Variants in ANKFN1 observed in about 807,000 individuals in gnomAD.
ANKFN1 encodes ankyrin repeat and fibronectin type-III domain-containing protein 1.
ANKFN1 carries 74 observed loss-of-function variants against 108.7 expected under a neutral mutation model. The observed-to-expected ratio is 0.68, with a 90% CI of 0.56 to 0.83. The LOEUF (loss-of-function observed/expected upper bound fraction) is 0.83. Ranked by LOEUF, ANKFN1 falls within the 40% of genes least tolerant of loss-of-function variation. ANKFN1 has a pLI of 0.00. For synonymous variants in ANKFN1, 547 were observed against 516.2 expected, an observed-to-expected ratio of 1.06 and a Z score of -0.81; for missense variants, 1,505 against 1,382.3, an observed-to-expected ratio of 1.09 and a Z score of -1.41.
chr17:56,437,606 A>G (rs1364180313), intron 8 of ANKFN1, among the ~76,000 whole-genome samples: 8 of 152,136 alleles, frequency 5.3e-5, no homozygotes. Flanking sequence ...TAACTTACTC[A>G]AGCATACCGT....
intron 3 of ANKFN1, among the ~76,000 whole-genome samples, chr17:56,229,140 A>G (rs373320369): frequency 2.5e-4 from 38 of 152,220 alleles, no homozygotes; most frequent in African/African-American, 8.9e-4. Flanking sequence ...CCCTCAAAAC[A>G]TTCAGATTTA....
intron 4 of ANKFN1, among the ~76,000 whole-genome samples, chr17:56,350,179 G>A (rs903601469): frequency 6.6e-6 from 1 of 152,112 alleles, no homozygotes; most frequent in Non-Finnish European, 1.5e-5. Flanking sequence ...GGACCTATGG[G>A]TACAAATTCC....
At chr17:56,282,043 T>C (rs934336499) in intron 3 of ANKFN1, among the ~76,000 whole-genome samples, 3 of 152,222 alleles carry the variant, frequency 2.0e-5, no homozygotes, top group East Asian at 1.9e-4. Context: ...TGAATATTTA[T>C]TGGAGTCTTA....
chr17:56,224,225 C>T (rs930885590), intron 2 of ANKFN1, among the ~76,000 whole-genome samples: 1 of 152,220 alleles, frequency 6.6e-6, no homozygotes, highest in African/African-American at 2.4e-5. Context: ...CATATTCTAT[C>T]TTAAATAAAA....
chr17:56,178,128 C>T (rs2143609586), intron 1 of ANKFN1, among the ~76,000 whole-genome samples: 1 of 152,086 alleles, frequency 6.6e-6, no homozygotes, highest in East Asian at 1.9e-4. Context: ...GTTGAAAAGT[C>T]CTAAAAGGTT....
intron 4 of ANKFN1, among the ~76,000 whole-genome samples, chr17:56,132,769 T>A (rs532541985): frequency 1.3e-5 from 2 of 152,144 alleles, no homozygotes; most frequent in African/African-American, 4.8e-5. Context: ...TGTCCTCACA[T>A]GGTGGAAGGG....
chr17:56,478,837 AAAG>A (rs1486972908), intron 16 of ANKFN1, among the ~76,000 whole-genome samples: 1 of 152,178 alleles, frequency 6.6e-6, no homozygotes, highest in Non-Finnish European at 1.5e-5. Flanking sequence ...TTGCTTAGCC[AAAG>A]GAGACTCTAA....
chr17:56,392,576 G>T (rs577772357), intron 8 of ANKFN1, among the ~76,000 whole-genome samples: 1 of 152,120 alleles, frequency 6.6e-6, no homozygotes, highest in Non-Finnish European at 1.5e-5. Flanking sequence ...GGTGGGCTGA[G>T]TCACAGATAA....
chr17:56,281,849 G>T (rs1175475204), intron 3 of ANKFN1, among the ~76,000 whole-genome samples: 1 of 152,192 alleles, frequency 6.6e-6, no homozygotes, highest in Non-Finnish European at 1.5e-5. Flanking sequence ...TGTTGGTAAA[G>T]ATGTAGACAA....
At chr17:56,268,939 C>T (rs546719260) in intron 3 of ANKFN1, among the ~76,000 whole-genome samples, 1 of 152,150 alleles carries the variant, frequency 6.6e-6, no homozygotes, top group African/African-American at 2.4e-5. Context: ...ACAAAATGCT[C>T]AGAAAATGCT....
chr17:56,108,695 A>G (rs1905798826), intron 4 of ANKFN1, among the ~76,000 whole-genome samples: 2 of 152,126 alleles, frequency 1.3e-5, no homozygotes, highest in Non-Finnish European at 1.5e-5. Context: ...AACAATCCTA[A>G]TTTTTCTGGA....
chr17:56,170,775 TATATATATATATATATA>T (rs1425090241), intron 1 of ANKFN1, among the ~76,000 whole-genome samples: 17 of 50,294 alleles, frequency 3.4e-4, no homozygotes, highest in African/African-American at 2.3e-3. Context: ...AAAAATTTTT[TATATATATATATATATA>T]TATATATATA....
At chr17:56,392,595 C>T (rs1199630710) in intron 8 of ANKFN1, among the ~76,000 whole-genome samples, 1 of 152,174 alleles carries the variant, frequency 6.6e-6, no homozygotes, top group Non-Finnish European at 1.5e-5. Flanking sequence ...AAAATAAACA[C>T]ACCGTGGGCA....
Position 56,120,188 on chromosome 17 carries a change from C to T in ANKFN1, c.288+73863C>T, listed in dbSNP as rs536290410. Among the ~76,000 whole-genome samples the T allele has an allele frequency of 2.0e-5, 3 of 152,240 alleles. No individual in the cohort carries two copies. The East Asian group carries it at 5.8e-4, about 29-fold the overall frequency. The stretch of plus-strand genomic sequence containing the variant: ...AATCATCTACTCTTGTCATCATTGT[C>T]ATTATCATTCCATAAAAGGGAGTTC... On this transcript the variant is annotated intron_variant, in intron 4 of 12. Transcript: ENST00000635860.
Position 56,493,103 on chromosome 17 carries a change from A to G in ANKFN1, c.2427+750A>G, listed in dbSNP as rs796294839. Among the ~76,000 whole-genome samples the G allele has an allele frequency of 2.7e-4, 41 of 152,284 alleles. 1 individual carries two copies. Among genetic ancestry groups the G allele is most frequent in the African/African-American group, 9.9e-4 (41 of 41,572 alleles). ...GTTCAATTTGATAAACCTTTATTAA[A>G]CAACCAGGTGTCAGACACTGTGTGC... On this transcript the variant is annotated intron_variant, in intron 19 of 20. Coordinates refer to ENST00000682825, the MANE Select transcript of ANKFN1 (RefSeq NM_001370326.1).
intron 11 of ANKFN1, among the ~76,000 whole-genome samples, chr17:56,453,439 A>G (rs2049564674): frequency 1.3e-5 from 2 of 152,104 alleles, no homozygotes; most frequent in South Asian, 2.1e-4. Context: ...ACTATTCTTG[A>G]ATTAAATCAG....
chr17:56,074,354 A>G (rs1323102699), intron 4 of ANKFN1, among the ~76,000 whole-genome samples: 1 of 152,220 alleles, frequency 6.6e-6, no homozygotes, highest in Non-Finnish European at 1.5e-5. Context: ...ATGAGTCTCC[A>G]TTCCAGGGAA....
intron 7 of ANKFN1, 129 bp from the exon 8 acceptor site, chr17:56,374,472 G>A (rs1598479890): frequency 1.2e-5 from 8 of 692,246 alleles, no homozygotes; most frequent in East Asian, 2.6e-5. Context: ...GTTCAAAAGC[G>A]AAAGCTATTA....
At chr17:56,153,407 G>A, upstream of ANKFN1, 3 of 1,455,528 alleles carry the variant, frequency 2.1e-6, no homozygotes, top group South Asian at 2.3e-5. Context: ...CCTGGATAAA[G>A]CCAGGGTTCC....
Sources: gnomAD v4.1 joint callset for allele counts (sites outside exome capture counted in the v4.1 genomes callset) on GRCh38, gnomAD v4.1.1 for gene constraint, MANE v1.5 for transcripts, NCBI Gene and HGNC (gene_info 2026-07-23, HGNC 2026-07-21) for gene names.